PDK3: variants seen among roughly 807,000 people sequenced by gnomAD.
PDK3 encodes the protein pyruvate dehydrogenase kinase, isozyme 3.
A neutral mutation model predicts 32.0 loss-of-function variants in PDK3; 12 were observed. The observed-to-expected ratio is 0.37, with a 90% confidence interval of 0.24 to 0.61. The LOEUF is 0.61. PDK3 is among the 20% of genes least tolerant of loss of function. The pLI, the probability that PDK3 is intolerant of heterozygous loss-of-function variation, is 0.65. For synonymous variants in PDK3, 122 were observed against 116.3 expected (o/e 1.05, Z -0.31); for missense variants, 188 against 316.9 (o/e 0.59, Z 3.09).
chrX:24,545,140 C>G, exon 12 of PDK3, among the ~76,000 whole-genome samples: 1 of 112,024 alleles, frequency 8.9e-6, no homozygotes, highest in Non-Finnish European at 1.9e-5. Context: ...ACTAGCACAT[C>G]ACCAGAGTTA....
chrX:24,525,379 C>T (rs1471671272), intron 6 of PDK3, among the ~76,000 whole-genome samples: 1 of 111,174 alleles, frequency 9.0e-6, no homozygotes, highest in African/African-American at 3.3e-5. Context: ...TATGTGAAAG[C>T]TCTGTGTAGA....
At chrX:24,511,478 ATG>A (rs1922115452) in intron 5 of PDK3, among the ~76,000 whole-genome samples, 1 of 111,686 alleles carries the variant, frequency 9.0e-6, no homozygotes, top group Non-Finnish European at 1.9e-5. Context: ...GCATAGTCAG[ATG>A]TCCAGCCCAA....
chrX:24,478,020 G>T (rs181941267), intron 1 of PDK3, among the ~76,000 whole-genome samples: 2 of 112,118 alleles, frequency 1.8e-5, no homozygotes, highest in East Asian at 5.6e-4. Flanking sequence ...CTTTTCTTGT[G>T]TACTAATTCT....
chrX:24,515,731 A>G (rs1922239525), intron 5 of PDK3, among the ~76,000 whole-genome samples: 1 of 112,304 alleles, frequency 8.9e-6, no homozygotes, highest in African/African-American at 3.2e-5. Context: ...AGTACTTTAC[A>G]GATATTTGAT....
Position 24,528,096 on chromosome X carries a change from T to C in PDK3, c.873T>C (p.Gly291=). ...TGCAGATCAGTGACCTAGGTGGTGGTGTCCCACTTCGAAAAATAGATCGTC... is the reference window on the plus strand; with the variant it reads ...TGCAGATCAGTGACCTAGGTGGTGGCGTCCCACTTCGAAAAATAGATCGTC... The part of the protein sequence containing the change: ...LSIKISDLGG[G]VPLRKIDRLF... Residue 291 remains glycine (G), a synonymous_variant, in exon 9 of 11, where the codon GGT becomes GGC. Coordinates refer to ENST00000379162, the MANE Select transcript of PDK3 (RefSeq NM_005391.5). The C allele has an allele frequency of 8.5e-7, 1 of 1,181,824 alleles. No individual in the cohort carries two copies. Among genetic ancestry groups the C allele is most frequent in the Non-Finnish European group, 1.2e-6 (1 of 868,017 alleles).
At chrX:24,495,246 A>G (rs771395375) in intron 2 of PDK3, among the ~76,000 whole-genome samples, 1 of 112,395 alleles carries the variant, frequency 8.9e-6, no homozygotes, top group South Asian at 3.6e-4. Flanking sequence ...CTTGTAGAAC[A>G]AATTAAGTCA....
At chrX:24,514,086 C>CT (rs1386608608) in intron 5 of PDK3, among the ~76,000 whole-genome samples, 1 of 111,666 alleles carries the variant, frequency 9.0e-6, no homozygotes. Context: ...AAGATAGAGG[C>CT]TAATATTTGA....
At chrX:24,550,375 C>T (rs989160640) in exon 12 of PDK3, 3 of 112,221 alleles carry the variant, frequency 2.7e-5, no homozygotes, top group African/African-American at 9.7e-5. Flanking sequence ...GCAGAGCAAT[C>T]TGTGGTGTCT....
At chrX:24,503,958 C>T (rs979925067) in intron 4 of PDK3, among the ~76,000 whole-genome samples, 5 of 112,303 alleles carry the variant, frequency 4.5e-5, no homozygotes, top group Admixed American at 9.4e-5. Flanking sequence ...CTTTATTTCA[C>T]AGTGATCAGT....
At chrX:24,542,117 G>A (rs775053228) in exon 12 of PDK3, among the ~76,000 whole-genome samples, 12 of 112,012 alleles carry the variant, frequency 1.1e-4, no homozygotes, top group Non-Finnish European at 2.1e-4. Flanking sequence ...TTCAAGTCAG[G>A]AGCTGTGAAA....
rs140890462 is a variant in PDK3 at position 24,542,968 on chromosome X, T to C, written c.*3804T>C. 3.8e-3 allele frequency among the ~76,000 whole-genome samples: 426 copies of C among 112,381 alleles called. 3 individuals are homozygous for C. The highest frequency in any genetic ancestry group is 3.0e-3 in the Non-Finnish European group (158 of 53,314). On this transcript the variant is annotated 3_prime_UTR_variant, in exon 12 of 12. Transcript: ENST00000568479. Reference sequence around the variant, plus strand: ...TGAATTCTCTGGAGACAGGATGTTATTGCTACTTTATGGTTGTCCATATCT... The same window carrying C: ...TGAATTCTCTGGAGACAGGATGTTACTGCTACTTTATGGTTGTCCATATCT...
intron 1 of PDK3, among the ~76,000 whole-genome samples, chrX:24,466,924 A>G (rs914484661): frequency 8.9e-6 from 1 of 112,207 alleles, no homozygotes; most frequent in Non-Finnish European, 1.9e-5. Flanking sequence ...TTCTGAAGGT[A>G]TCAGCCTTTC....
chrX:24,525,837 C>T (rs773591856), intron 6 of PDK3, among the ~76,000 whole-genome samples: 9 of 112,237 alleles, frequency 8.0e-5, no homozygotes, highest in Non-Finnish European at 7.5e-5. Flanking sequence ...CCCCTGGGGT[C>T]AGTGGCAGAA....
downstream of PDK3, among the ~76,000 whole-genome samples, chrX:24,537,282 ATTTTTTTT>A (rs1167543267): frequency 3.0e-5 from 2 of 65,684 alleles, no homozygotes; most frequent in Non-Finnish European, 2.8e-5. Context: ...ACGCCTGGCT[ATTTTTTTT>A]TTTTTTTTTT....
chrX:24,513,412 G>T, intron 5 of PDK3: 1 of 115,197 alleles, frequency 8.7e-6, no homozygotes, highest in East Asian at 2.6e-4. Context: ...CTACCATGGT[G>T]CACTGTGGCC....
intron 1 of PDK3, among the ~76,000 whole-genome samples, chrX:24,493,602 C>T (rs763426130): frequency 4.5e-4 from 50 of 111,683 alleles, no homozygotes; most frequent in Non-Finnish European, 8.1e-4. Context: ...GAGGCCTAGG[C>T]AGGGCGAGGG....
chrX:24,539,287 G>C (rs1922841708), downstream of PDK3: 1 of 461,378 alleles, frequency 2.2e-6, no homozygotes, highest in Admixed American at 4.2e-5. Context: ...GCTTAAATGT[G>C]TATTTTCTCT....
intron 1 of PDK3, among the ~76,000 whole-genome samples, chrX:24,491,771 A>G (rs1333513743): frequency 9.0e-6 from 1 of 111,006 alleles, no homozygotes; most frequent in East Asian, 2.8e-4. Context: ...CCTGGGCAAC[A>G]TGGCGAAACC....
At chrX:24,474,425 T>C (rs1457485000) in intron 1 of PDK3, among the ~76,000 whole-genome samples, 2 of 107,862 alleles carry the variant, frequency 1.9e-5, no homozygotes, top group East Asian at 5.7e-4. Flanking sequence ...ATTTATTTAT[T>C]TATTTTGAGA....
Sources: allele counts gnomAD v4.1 joint callset (sites outside exome capture counted in the v4.1 genomes callset), GRCh38; gene constraint gnomAD v4.1.1; transcripts MANE v1.5; gene names NCBI Gene and HGNC (gene_info 2026-07-23, HGNC 2026-07-21).